The following PPIL6 variants were observed in gnomAD, a reference collection of about 807,000 sequenced individuals.
PPIL6 encodes probable inactive peptidyl-prolyl cis-trans isomerase-like 6.
A neutral mutation model predicts 36.8 loss-of-function variants in PPIL6; 39 were observed. The observed-to-expected ratio is 1.06, with a 90% CI of 0.82 to 1.38. The LOEUF (loss-of-function observed/expected upper bound fraction) is 1.38, where lower values mean the gene tolerates loss of function less well. Ranked by LOEUF, PPIL6 falls within the 40% of genes most tolerant of loss-of-function variation. PPIL6 has a pLI of 0.00. For synonymous variants in PPIL6, 123 were observed against 134.1 expected, an observed-to-expected ratio of 0.92 and a Z score of 0.57; for missense variants, 368 against 379.1, an observed-to-expected ratio of 0.97 and a Z score of 0.24.
chr6:109,440,449 T>A lies in PPIL6; in HGVS notation c.135+7A>T. On this transcript the variant is annotated splice_region_variant and intron_variant, in intron 1 of 7. Coordinates refer to ENST00000521072, the MANE Select transcript of PPIL6 (RefSeq NM_173672.5). ...GCCGCCCACGACGGAGGTTTCTCTGTGGTTACCTCAGCGGCGCTCTTCGCA... is the reference window on the plus strand; with the variant it reads ...GCCGCCCACGACGGAGGTTTCTCTGAGGTTACCTCAGCGGCGCTCTTCGCA... The A allele has an allele frequency of 6.5e-7, 1 of 1,540,220 alleles. No homozygotes were observed. Among genetic ancestry groups the A allele is most frequent in the Non-Finnish European group, 8.8e-7 (1 of 1,141,586 alleles).
chr6:109,412,134 T>A (rs934353977), intron 6 of PPIL6, among the ~76,000 whole-genome samples: 4 of 152,250 alleles, frequency 2.6e-5, no homozygotes, highest in African/African-American at 9.6e-5. Context: ...GCCTTTTCCA[T>A]GGCATCTAAT....
intron 6 of PPIL6, among the ~76,000 whole-genome samples, chr6:109,417,280 C>T (rs116759802): frequency 0.012 from 1,783 of 151,672 alleles, 39 homozygotes; most frequent in African/African-American, 0.041. Context: ...AATGGTCCTC[C>T]AAGTAGGTAG....
At position 109,440,521 on chromosome 6, in the gene PPIL6, G is replaced by C. The variant is rs1290690682; in HGVS notation, c.70C>G (p.Leu24Val). ...CGSPSLPERP[L>V]QVKVVGLFSC... Reference sequence around the variant, plus strand: ...AAGAGCCCCACCACCTTCACCTGCAGCGGCCGCTCCGGCAGCGACGGCGAG... The same window carrying C: ...AAGAGCCCCACCACCTTCACCTGCACCGGCCGCTCCGGCAGCGACGGCGAG... Residue 24 changes from leucine (L) to valine (V), a missense_variant, in exon 1 of 8, where the codon CTG becomes GTG. Transcript: ENST00000521072. 6.6e-7 allele frequency: 1 copy of C among 1,510,278 alleles called. No homozygotes were observed. The highest frequency in any genetic ancestry group is 1.2e-5 in the South Asian group (1 of 80,278). 93.6% of individuals were successfully genotyped at this position (1,510,278 alleles called of 1,614,324 possible).
intron 3 of PPIL6, among the ~76,000 whole-genome samples, chr6:109,430,525 T>C (rs1774081080): frequency 6.6e-6 from 1 of 151,992 alleles, no homozygotes; most frequent in African/African-American, 2.4e-5. Context: ...CTCCCAGGTT[T>C]AAGTGATTCT....
intron 7 of PPIL6, among the ~76,000 whole-genome samples, chr6:109,396,540 T>G (rs1772313121): frequency 6.6e-6 from 1 of 152,198 alleles, no homozygotes; most frequent in East Asian, 1.9e-4. Flanking sequence ...TCACTCTTCC[T>G]AAAACTGATT....
chr6:109,401,542 T>C (rs1329535853), intron 6 of PPIL6, among the ~76,000 whole-genome samples: 1 of 152,194 alleles, frequency 6.6e-6, no homozygotes, highest in Non-Finnish European at 1.5e-5. Flanking sequence ...GCCTGGTAAG[T>C]TGAAAACTGA....
rs1293240645 is a variant in PPIL6, at chr6:109,391,371, G to T, written c.*1455C>A. On this transcript the variant is annotated 3_prime_UTR_variant, in exon 8 of 8. Coordinates refer to ENST00000521072, the MANE Select transcript of PPIL6 (RefSeq NM_173672.5). Reference sequence around the variant, plus strand: ...GGGCACAGGGTAGTGGTGGTAACAGGAGCTGAGCAAGGTCACCAATAGCAG... The same window carrying T: ...GGGCACAGGGTAGTGGTGGTAACAGTAGCTGAGCAAGGTCACCAATAGCAG... 1 of 151,136 alleles carries T rather than the reference G, an allele frequency of 6.6e-6. No homozygotes were observed. The highest frequency in any genetic ancestry group is 2.4e-5 in the African/African-American group (1 of 41,024). The allele number at this position is 151,136 out of a possible 1,614,324, so 9.4% of individuals were successfully genotyped here.
At chr6:109,435,974 T>G in intron 2 of PPIL6, 130 bp downstream of exon 2, 1 of 720,970 alleles carries the variant, frequency 1.4e-6, no homozygotes, top group Non-Finnish European at 2.5e-6. Flanking sequence ...TTAGGAAAAG[T>G]ACGTAATGTA....
chr6:109,412,219 G>A (rs2115223627), intron 6 of PPIL6, among the ~76,000 whole-genome samples: 1 of 152,278 alleles, frequency 6.6e-6, no homozygotes, highest in African/African-American at 2.4e-5. Flanking sequence ...GTATAAATGT[G>A]ACTGTAAAAC....
At chr6:109,440,900 C>A, upstream of PPIL6, 1 of 566,564 alleles carries the variant, frequency 1.8e-6, no homozygotes. Flanking sequence ...AGCGGATCGC[C>A]TTTCCGGGTT....
intron 5 of PPIL6, among the ~76,000 whole-genome samples, chr6:109,420,397 T>C (rs1218264074): frequency 7.1e-6 from 1 of 140,514 alleles, no homozygotes; most frequent in Non-Finnish European, 1.6e-5. Context: ...GCAAACAGAA[T>C]TCATGTTCAA....
At chr6:109,400,681 G>T in intron 6 of PPIL6, among the ~76,000 whole-genome samples, 1 of 152,090 alleles carries the variant, frequency 6.6e-6, no homozygotes, top group African/African-American at 2.4e-5. Flanking sequence ...GTAGGTGAAG[G>T]CAGGAACCTT....
At chr6:109,403,233 G>T in intron 6 of PPIL6, 1 of 557,084 alleles carries the variant, frequency 1.8e-6, no homozygotes, top group Non-Finnish European at 3.0e-6. Context: ...AACCTCCTGA[G>T]TAGCTGGGAC....
intron 2 of PPIL6, among the ~76,000 whole-genome samples, chr6:109,435,446 C>T (rs547869764): frequency 5.3e-5 from 8 of 152,018 alleles, no homozygotes; most frequent in African/African-American, 1.4e-4. Context: ...TATAGGCACG[C>T]GCCACCATGC....
At position 109,391,831 on chromosome 6, in the gene PPIL6, A is replaced by G. The variant is rs577566184; in HGVS notation, c.*995T>C. On this transcript the variant is annotated 3_prime_UTR_variant, in exon 8 of 8. Transcript: ENST00000521072. ...GTTCATGTCATATATGAAAACATCC[A>G]AAGTGTAGATACTCTTTCTGAATGC... is the stretch of plus-strand genomic sequence containing the variant. The G allele has an allele frequency of 8.6e-4, 131 of 152,360 alleles. No homozygotes were observed. The highest frequency in any genetic ancestry group is 3.0e-3 in the African/African-American group (124 of 41,584). 9.4% of individuals were successfully genotyped at this position (152,360 alleles called of 1,614,324 possible). A position where few individuals can be genotyped will look rare whatever the true frequency, so the allele number is the denominator to read the frequency against.
In PPIL6 at chr6:109,440,547, C is replaced by G; in HGVS notation, c.44G>C (p.Gly15Ala). Residue 15 changes from glycine to alanine, a missense_variant, in exon 1 of 8, where the codon GGC becomes GCC. Gly to Ala is a moderately conservative substitution (Grantham distance 60, BLOSUM62 0). Coordinates refer to ENST00000521072, the MANE Select transcript of PPIL6 (RefSeq NM_173672.5). ...CGGCCGCTCCGGCAGCGACGGCGAG[C>G]CGCACCTAGCGTGCGGGGGCCCGCA... The part of the protein sequence containing the change: ...QPCGPPHARC[G>A]SPSLPERPLQ... 6.7e-7 allele frequency: 1 copy of G among 1,487,012 alleles called. No homozygotes were observed. The allele number at this position is 1,487,012 out of a possible 1,614,324, so 92.1% of individuals were successfully genotyped here.
At chr6:109,424,320 T>A (rs1388630531) in intron 5 of PPIL6, among the ~76,000 whole-genome samples, 1 of 152,038 alleles carries the variant, frequency 6.6e-6, no homozygotes, top group Non-Finnish European at 1.5e-5. Flanking sequence ...ATGCTTGATG[T>A]GCTTAGGAGG....
At chr6:109,404,111 G>A (rs1373834433) in intron 6 of PPIL6, among the ~76,000 whole-genome samples, 2 of 152,196 alleles carry the variant, frequency 1.3e-5, no homozygotes, top group Admixed American at 6.5e-5. Flanking sequence ...GGGACTCCAT[G>A]GGCACAGTGA....
In PPIL6 at chr6:109,431,324, C is replaced by A; in HGVS notation, c.253G>T (p.Glu85Ter). The change falls in exon 3 of 8, where the codon GAA becomes TAA. Residue 85 changes from glutamate to a stop codon, truncating the protein, a stop_gained. Coordinates refer to ENST00000521072, the MANE Select transcript of PPIL6 (RefSeq NM_173672.5). LOFTEE classifies it high-confidence loss of function. Reference protein sequence around the residue: ...KKRELKNETWEYSSSVISFVN... With the variant: ...KKRELKNETW Reference sequence around the variant, plus strand: ...AAAGAAATCACAGAGGAAGAATATTCCCAGGTTTCATTTTTGAGTTCCTGT... The same window carrying A: ...AAAGAAATCACAGAGGAAGAATATTACCAGGTTTCATTTTTGAGTTCCTGT... The A allele has an allele frequency of 1.3e-6, 2 of 1,593,730 alleles. No individual in the cohort carries two copies. The highest frequency in any genetic ancestry group is 1.7e-6 in the Non-Finnish European group (2 of 1,171,612).
Sources: allele counts gnomAD v4.1 joint callset (sites outside exome capture counted in the v4.1 genomes callset), GRCh38; gene constraint gnomAD v4.1.1; transcripts MANE v1.5; gene names NCBI Gene and HGNC (gene_info 2026-07-23, HGNC 2026-07-21).